Variants in MLLT10 observed in about 807,000 individuals in gnomAD.
MLLT10 encodes the protein protein AF-10.
Under a neutral mutation model 129.1 loss-of-function variants are expected in MLLT10, and 30 were observed. That is an observed-to-expected ratio of 0.23 (90% CI 0.17 to 0.32). The LOEUF (loss-of-function observed/expected upper bound fraction) is 0.32. Among genes scored for constraint, MLLT10 ranks in the 10% least tolerant of loss-of-function variants. MLLT10 has a pLI of 1.00. For missense variants in MLLT10, 1,119 were observed against 1,268.3 expected (o/e 0.88, Z 1.79); for synonymous variants, 490 against 446.4 (o/e 1.10, Z -1.23).
chr10:21,618,690 G>A (rs891881422), intron 8 of MLLT10, among the ~76,000 whole-genome samples: 2 of 151,908 alleles, frequency 1.3e-5, no homozygotes, highest in African/African-American at 4.8e-5. Context: ...CTGGAGTGCA[G>A]TGGTGTGATC....
chr10:21,619,515 A>C (rs2045597772), intron 8 of MLLT10, among the ~76,000 whole-genome samples: 1 of 152,176 alleles, frequency 6.6e-6, no homozygotes, highest in African/African-American at 2.4e-5. Context: ...GAATGAATGA[A>C]ATTTTGTATT....
intron 3 of MLLT10, among the ~76,000 whole-genome samples, chr10:21,581,724 C>G (rs545853995): frequency 6.6e-6 from 1 of 152,254 alleles, no homozygotes; most frequent in South Asian, 2.1e-4. Context: ...CTCTTGCTTG[C>G]TGCTATGTAA....
intron 3 of MLLT10, among the ~76,000 whole-genome samples, chr10:21,539,643 C>T (rs2034736977): frequency 6.6e-6 from 1 of 152,022 alleles, no homozygotes; most frequent in Non-Finnish European, 1.5e-5. Context: ...GTGGCAAGCA[C>T]CTGTAGTCCC....
At chr10:21,647,335 G>A (rs2048596658) in intron 8 of MLLT10, among the ~76,000 whole-genome samples, 2 of 152,066 alleles carry the variant, frequency 1.3e-5, no homozygotes, top group Non-Finnish European at 2.9e-5. Context: ...CATGGTATGA[G>A]TATTTTTATA....
intron 8 of MLLT10, among the ~76,000 whole-genome samples, chr10:21,629,076 C>T (rs2046759563): frequency 6.6e-6 from 1 of 151,536 alleles, no homozygotes; most frequent in South Asian, 2.1e-4. Context: ...GACTTACTCA[C>T]ATGGTTGACA....
At chr10:21,560,462 G>A (rs1040136339) in intron 3 of MLLT10, among the ~76,000 whole-genome samples, 2 of 152,034 alleles carry the variant, frequency 1.3e-5, no homozygotes, top group African/African-American at 4.8e-5. Context: ...TTGAGACAGG[G>A]TCTAGTTCTG....
intron 14 of MLLT10, among the ~76,000 whole-genome samples, chr10:21,723,971 C>G (rs1167319604): frequency 6.6e-6 from 1 of 152,158 alleles, no homozygotes; most frequent in Admixed American, 6.5e-5. Context: ...AAAGAATTGA[C>G]TTCTGGAGAG....
chr10:21,644,266 C>T (rs951668896), intron 8 of MLLT10, among the ~76,000 whole-genome samples: 13 of 152,018 alleles, frequency 8.6e-5, no homozygotes, highest in African/African-American at 3.1e-4. Flanking sequence ...TTATTTTTTG[C>T]CTGTAGTTTC....
intron 4 of MLLT10, among the ~76,000 whole-genome samples, chr10:21,592,258 T>C (rs2042576609): frequency 1.3e-5 from 2 of 152,354 alleles, no homozygotes; most frequent in Admixed American, 1.3e-4. Context: ...TTTATATTTT[T>C]CTTCAGTTCT....
intron 14 of MLLT10, among the ~76,000 whole-genome samples, chr10:21,725,970 C>G (rs1024804984): frequency 2.6e-5 from 4 of 151,958 alleles, no homozygotes; most frequent in Non-Finnish European, 2.9e-5. Flanking sequence ...CCAGGATGGT[C>G]TCGATCTCCT....
chr10:21,716,229 G>A (rs1385111959), intron 14 of MLLT10, among the ~76,000 whole-genome samples: 7 of 152,166 alleles, frequency 4.6e-5, no homozygotes, highest in African/African-American at 1.4e-4. Flanking sequence ...TTTACAAAAC[G>A]ACAAAGTTTA....
chr10:21,648,837 C>T (rs934891907), intron 8 of MLLT10, among the ~76,000 whole-genome samples: 5 of 152,130 alleles, frequency 3.3e-5, no homozygotes, highest in African/African-American at 4.8e-5. Context: ...TCTTACGTGG[C>T]GGCAGGCAGG....
intron 14 of MLLT10, 94 bp from the exon 15 acceptor site, chr10:21,726,150 G>T: frequency 1.2e-6 from 1 of 823,752 alleles, no homozygotes; most frequent in Non-Finnish European, 1.9e-6. Flanking sequence ...ATATTCTTAG[G>T]TTGGAGAATA....
chr10:21,739,661 C>T (rs2058670986), intron 21 of MLLT10, among the ~76,000 whole-genome samples: 1 of 152,136 alleles, frequency 6.6e-6, no homozygotes, highest in Admixed American at 6.5e-5. Context: ...CAAGAAAGCA[C>T]CCTAATGACA....
intron 13 of MLLT10, among the ~76,000 whole-genome samples, chr10:21,683,527 G>A (rs1457307906): frequency 6.6e-6 from 1 of 151,990 alleles, no homozygotes; most frequent in Non-Finnish European, 1.5e-5. Flanking sequence ...AATAAACTTG[G>A]GATTAAAAGA....
At chr10:21,710,224 T>C (rs1273761908) in intron 13 of MLLT10, among the ~76,000 whole-genome samples, 2 of 152,218 alleles carry the variant, frequency 1.3e-5, no homozygotes, top group African/African-American at 4.8e-5. Flanking sequence ...TTTTTGTTCC[T>C]TGGCCTTGAC....
chr10:21,646,835 G>A (rs566233911), intron 8 of MLLT10, among the ~76,000 whole-genome samples: 3 of 150,260 alleles, frequency 2.0e-5, no homozygotes, highest in Admixed American at 1.3e-4. Context: ...ACAGTTTTCC[G>A]AAATCTCTGA....
chr10:21,593,353 T>G (rs779401546), intron 4 of MLLT10, among the ~76,000 whole-genome samples: 3 of 152,124 alleles, frequency 2.0e-5, no homozygotes, highest in African/African-American at 4.8e-5. Flanking sequence ...CCTTCCAAAG[T>G]GCTGGGCTTA....
chr10:21,645,074 T>C (rs992799013), intron 8 of MLLT10, among the ~76,000 whole-genome samples: 3 of 152,184 alleles, frequency 2.0e-5, no homozygotes, highest in Non-Finnish European at 4.4e-5. Context: ...AGTAGTTTAG[T>C]AGGTAGGAAC....
Sources: allele counts gnomAD v4.1 joint callset (sites outside exome capture counted in the v4.1 genomes callset), GRCh38; gene constraint gnomAD v4.1.1; transcripts MANE v1.5; gene names NCBI Gene and HGNC (gene_info 2026-07-23, HGNC 2026-07-21).